Variants in ZNF536 observed in about 807,000 individuals in gnomAD.
ZNF536 encodes zinc finger protein 536.
ZNF536 carries 13 observed loss-of-function variants against 84.5 expected under a neutral mutation model. The ratio of observed to expected loss-of-function variants is 0.15; its 90% CI spans 0.10 to 0.24. The LOEUF (loss-of-function observed/expected upper bound fraction) is 0.24, where lower values mean the gene tolerates loss of function less well. ZNF536 is among the 10% of genes least tolerant of loss of function. The pLI is 1.00. For synonymous variants in ZNF536, 811 were observed against 742.5 expected, an observed-to-expected ratio of 1.09 and a Z score of -1.50; for missense variants, 1,536 against 1,747.5, an observed-to-expected ratio of 0.88 and a Z score of 2.16.
chr19:30,682,487 G>A (rs1203610315), intron 1 of ZNF536, among the ~76,000 whole-genome samples: 2 of 152,132 alleles, frequency 1.3e-5, no homozygotes, highest in African/African-American at 2.4e-5. Context: ...ACCAGCTCTC[G>A]GATCAAGCTG....
At chr19:30,371,340 C>T (rs549894798), upstream of ZNF536, among the ~76,000 whole-genome samples, 35 of 152,262 alleles carry the variant, frequency 2.3e-4, 1 homozygote, top group Admixed American at 2.1e-3. Context: ...CCTTTGCAGC[C>T]GCTCTCATCA....
intron 1 of ZNF536, among the ~76,000 whole-genome samples, chr19:30,414,974 A>T (rs1399445463): frequency 6.6e-6 from 1 of 152,124 alleles, no homozygotes; most frequent in East Asian, 1.9e-4. Context: ...ATGACAGTCC[A>T]ATTCTCATTC....
At chr19:30,354,151 T>C (rs1476010920) in intron 3 of ZNF536, among the ~76,000 whole-genome samples, 4 of 152,086 alleles carry the variant, frequency 2.6e-5, no homozygotes, top group Non-Finnish European at 4.4e-5. Context: ...GACACAGATA[T>C]CCTTTGGATG....
chr19:30,402,238 C>G (rs954789623), intron 1 of ZNF536, among the ~76,000 whole-genome samples: 1 of 151,968 alleles, frequency 6.6e-6, no homozygotes, highest in Non-Finnish European at 1.5e-5. Flanking sequence ...TGAACCCTGT[C>G]TCGGTGCTTA....
At chr19:30,417,888 T>C (rs2050799542) in intron 1 of ZNF536, among the ~76,000 whole-genome samples, 1 of 152,078 alleles carries the variant, frequency 6.6e-6, no homozygotes, top group Non-Finnish European at 1.5e-5. Context: ...GCCTCCCAAA[T>C]AGGTGACATG....
At chr19:30,293,112 A>G (rs1010491013) in intron 2 of ZNF536, among the ~76,000 whole-genome samples, 1 of 152,116 alleles carries the variant, frequency 6.6e-6, no homozygotes, top group Non-Finnish European at 1.5e-5. Flanking sequence ...CCCCAAATGT[A>G]AAGATCTGCT....
intron 2 of ZNF536, among the ~76,000 whole-genome samples, chr19:30,322,480 G>A (rs1387860250): frequency 5.3e-5 from 8 of 152,020 alleles, no homozygotes; most frequent in African/African-American, 1.4e-4. Flanking sequence ...TGGTCCTGTC[G>A]CCCTAAGGAC....
chr19:30,477,634 G>C (rs557238713), intron 2 of ZNF536, among the ~76,000 whole-genome samples: 156 of 152,290 alleles, frequency 1.0e-3, no homozygotes, highest in Non-Finnish European at 1.7e-3. Flanking sequence ...TGTTGGGTCA[G>C]GGGGTTCTCA....
At chr19:30,235,725 G>T (rs1008307166) in intron 1 of ZNF536, among the ~76,000 whole-genome samples, 1 of 152,168 alleles carries the variant, frequency 6.6e-6, no homozygotes, top group East Asian at 1.9e-4. Flanking sequence ...ATCAAATCAG[G>T]CAATGTCTTC....
At chr19:30,565,987 C>G (rs550070719) in intron 1 of ZNF536, among the ~76,000 whole-genome samples, 1 of 152,160 alleles carries the variant, frequency 6.6e-6, no homozygotes, top group Non-Finnish European at 1.5e-5. Flanking sequence ...TTTATAACGT[C>G]AGGCTGTGAC....
At chr19:30,294,530 C>A (rs2045937851) in intron 2 of ZNF536, among the ~76,000 whole-genome samples, 1 of 148,910 alleles carries the variant, frequency 6.7e-6, no homozygotes, top group Non-Finnish European at 1.5e-5. Context: ...ATTTCTGTTT[C>A]TCCTCTCTAG....
At chr19:30,252,720 G>A (rs1032729803) in intron 1 of ZNF536, among the ~76,000 whole-genome samples, 1 of 152,184 alleles carries the variant, frequency 6.6e-6, no homozygotes, top group Non-Finnish European at 1.5e-5. Context: ...GAGCTGGGTT[G>A]GAGACCAAGA....
At chr19:30,511,795 A>G (rs1379730044) in intron 2 of ZNF536, among the ~76,000 whole-genome samples, 1 of 152,228 alleles carries the variant, frequency 6.6e-6, no homozygotes, top group Non-Finnish European at 1.5e-5. Flanking sequence ...GTAAAATGCA[A>G]GGAGACCGTA....
intron 2 of ZNF536, among the ~76,000 whole-genome samples, chr19:30,286,361 A>C (rs1290931461): frequency 6.6e-6 from 1 of 152,186 alleles, no homozygotes; most frequent in Non-Finnish European, 1.5e-5. Context: ...AGAGACCTTC[A>C]ACAGAAAAAT....
At chr19:30,332,634 T>C (rs1352493746) in intron 2 of ZNF536, among the ~76,000 whole-genome samples, 1 of 152,216 alleles carries the variant, frequency 6.6e-6, no homozygotes, top group Non-Finnish European at 1.5e-5. Flanking sequence ...CTTACTCACT[T>C]CATCATAACC....
At chr19:30,434,648 G>A (rs2051627845) in intron 1 of ZNF536, among the ~76,000 whole-genome samples, 1 of 152,214 alleles carries the variant, frequency 6.6e-6, no homozygotes, top group Non-Finnish European at 1.5e-5. Flanking sequence ...ACCTAGCAGT[G>A]TTGGCAGGTG....
intron 2 of ZNF536, among the ~76,000 whole-genome samples, chr19:30,515,673 G>T (rs1440173614): frequency 6.6e-6 from 1 of 152,078 alleles, no homozygotes; most frequent in Non-Finnish European, 1.5e-5. Flanking sequence ...ATACAAAATT[G>T]TTCCTGGCCT....
At chr19:30,377,255 G>T (rs1014381488) in intron 1 of ZNF536, among the ~76,000 whole-genome samples, 2 of 152,198 alleles carry the variant, frequency 1.3e-5, no homozygotes, top group African/African-American at 4.8e-5. Flanking sequence ...TGTGGTGGGA[G>T]TCCTGGATGT....
At chr19:30,502,515 G>T (rs975296496) in intron 2 of ZNF536, among the ~76,000 whole-genome samples, 5 of 152,122 alleles carry the variant, frequency 3.3e-5, no homozygotes, top group African/African-American at 1.2e-4. Context: ...GGCAGCTGTG[G>T]CTGGAGACTC....
Sources: allele counts gnomAD v4.1 joint callset (sites outside exome capture counted in the v4.1 genomes callset), GRCh38; gene constraint gnomAD v4.1.1; transcripts MANE v1.5; gene names NCBI Gene and HGNC (gene_info 2026-07-23, HGNC 2026-07-21).